Variants in AHCYL2 observed in about 807,000 individuals in gnomAD.
AHCYL2 encodes S-adenosylhomocysteine hydrolase-like protein 2.
Under a neutral mutation model 81.4 loss-of-function variants are expected in AHCYL2, and 28 were observed. The ratio of observed to expected loss-of-function variants is 0.34; its 90% confidence interval spans 0.25 to 0.47. AHCYL2 has a LOEUF of 0.47. AHCYL2 is among the 20% of genes least tolerant of loss of function. The probability of loss-of-function intolerance (pLI) is 1.00; values close to 1 mark genes in which losing one functional copy is unlikely to be tolerated. For synonymous variants in AHCYL2, 272 were observed against 290.2 expected (o/e 0.94, Z 0.64); for missense variants, 551 against 785.1 (o/e 0.70, Z 3.56).
chr7:129,320,286 T>A (rs995376324), intron 1 of AHCYL2, among the ~76,000 whole-genome samples: 2 of 152,216 alleles, frequency 1.3e-5, no homozygotes, highest in African/African-American at 4.8e-5. Context: ...AAATATTTTC[T>A]ACCAGTCTGT....
At chr7:129,254,840 G>A (rs1795357322) in intron 1 of AHCYL2, among the ~76,000 whole-genome samples, 1 of 152,190 alleles carries the variant, frequency 6.6e-6, no homozygotes, top group Non-Finnish European at 1.5e-5. Flanking sequence ...AAGAAGAAAA[G>A]CGTTCTGAGG....
At chr7:129,277,753 T>G (rs1017324302) in intron 1 of AHCYL2, among the ~76,000 whole-genome samples, 1 of 152,190 alleles carries the variant, frequency 6.6e-6, no homozygotes, top group Non-Finnish European at 1.5e-5. Context: ...TTTCGAGATT[T>G]ATTTATGTTG....
chr7:129,328,120 T>A (rs568729256), intron 1 of AHCYL2, among the ~76,000 whole-genome samples: 1 of 152,044 alleles, frequency 6.6e-6, no homozygotes, highest in Non-Finnish European at 1.5e-5. Context: ...TTAAAAGTAA[T>A]GGGAAACTAT....
intron 1 of AHCYL2, among the ~76,000 whole-genome samples, chr7:129,355,986 A>C (rs183080107): frequency 2.6e-4 from 39 of 152,324 alleles, no homozygotes; most frequent in Admixed American, 2.0e-3. Flanking sequence ...AAATGTAAAA[A>C]AGGTAAGGAT....
chr7:129,300,530 A>G (rs1403264516), intron 1 of AHCYL2, among the ~76,000 whole-genome samples: 2 of 152,216 alleles, frequency 1.3e-5, no homozygotes, highest in Non-Finnish European at 2.9e-5. Context: ...CACATTTAAA[A>G]AAATCTATTC....
intron 1 of AHCYL2, among the ~76,000 whole-genome samples, chr7:129,302,012 T>C (rs1797274108): frequency 6.6e-6 from 1 of 152,204 alleles, no homozygotes; most frequent in African/African-American, 2.4e-5. Flanking sequence ...TCCGTGGACA[T>C]GGAATGTCTT....
At chr7:129,375,736 A>G (rs1794650713) in intron 1 of AHCYL2, 2 of 1,471,178 alleles carry the variant, frequency 1.4e-6, no homozygotes, top group Non-Finnish European at 1.8e-6. Flanking sequence ...TCCAAGGAAG[A>G]GTAGTCCCCC....
intron 11 of AHCYL2, among the ~76,000 whole-genome samples, chr7:129,412,369 C>T (rs532566182): frequency 1.3e-5 from 2 of 151,596 alleles, no homozygotes; most frequent in African/African-American, 4.8e-5. Context: ...CAACTTCCAC[C>T]TCCCGTGTGC....
chr7:129,399,141 C>CAAAAA (rs71162600), intron 5 of AHCYL2, among the ~76,000 whole-genome samples: 15 of 44,952 alleles, frequency 3.3e-4, no homozygotes, highest in Admixed American at 7.4e-4. Context: ...GACTCCATCT[C>CAAAAA]AAAAAAAAAA....
intron 1 of AHCYL2, among the ~76,000 whole-genome samples, chr7:129,361,667 A>G (rs6467243): frequency 0.32 from 48,179 of 151,938 alleles, 8,223 homozygotes; most frequent in African/African-American, 0.46. Context: ...GTCTTGTTCT[A>G]TCTCCCAGAC....
intron 1 of AHCYL2, among the ~76,000 whole-genome samples, chr7:129,323,714 C>T (rs1463266450): frequency 6.6e-6 from 1 of 152,060 alleles, no homozygotes; most frequent in Non-Finnish European, 1.5e-5. Flanking sequence ...TCAGTGTTTG[C>T]TTCATGTATT....
intron 1 of AHCYL2, among the ~76,000 whole-genome samples, chr7:129,294,466 A>G (rs1382781444): frequency 1.3e-5 from 2 of 152,114 alleles, no homozygotes; most frequent in Non-Finnish European, 2.9e-5. Flanking sequence ...TGATGTATTA[A>G]CTCATTTAAT....
intron 2 of AHCYL2, among the ~76,000 whole-genome samples, chr7:129,380,802 A>G (rs1794921241): frequency 6.6e-6 from 1 of 152,144 alleles, no homozygotes; most frequent in African/African-American, 2.4e-5. Flanking sequence ...TGCAAGTGGC[A>G]TGGTCATAGC....
intron 1 of AHCYL2, among the ~76,000 whole-genome samples, chr7:129,314,452 A>G (rs1797765474): frequency 6.6e-6 from 1 of 152,198 alleles, no homozygotes; most frequent in Non-Finnish European, 1.5e-5. Flanking sequence ...GGGTGACTTA[A>G]AAACAACAGT....
intron 1 of AHCYL2, among the ~76,000 whole-genome samples, chr7:129,294,650 A>G (rs913306291): frequency 6.6e-6 from 1 of 152,166 alleles, no homozygotes; most frequent in African/African-American, 2.4e-5. Context: ...ATCCACCACA[A>G]CACTGTAGCT....
intron 1 of AHCYL2, among the ~76,000 whole-genome samples, chr7:129,366,245 C>A (rs144661300): frequency 2.0e-5 from 3 of 152,276 alleles, no homozygotes; most frequent in African/African-American, 7.2e-5. Context: ...TCCCTTGATA[C>A]GTCTGAATGC....
At chr7:129,231,031 G>C (rs1376863705) in intron 1 of AHCYL2, among the ~76,000 whole-genome samples, 1 of 152,070 alleles carries the variant, frequency 6.6e-6, no homozygotes, top group Non-Finnish European at 1.5e-5. Context: ...AAGAGATCAA[G>C]ACCATCCTGG....
intron 2 of AHCYL2, among the ~76,000 whole-genome samples, chr7:129,382,546 G>A (rs1176091541): frequency 1.3e-5 from 2 of 152,108 alleles, no homozygotes; most frequent in South Asian, 2.1e-4. Flanking sequence ...GTTGCAGTGG[G>A]CCAAGATTGT....
intron 1 of AHCYL2, among the ~76,000 whole-genome samples, chr7:129,362,598 T>C (rs1041418890): frequency 5.3e-5 from 2 of 38,052 alleles, no homozygotes; most frequent in Non-Finnish European, 1.0e-4. Context: ...GGTTTTCTTG[T>C]TTTTTTTTTT....
Sources: gnomAD v4.1 joint callset for allele counts (sites outside exome capture counted in the v4.1 genomes callset) on GRCh38, gnomAD v4.1.1 for gene constraint, MANE v1.5 for transcripts, NCBI Gene and HGNC (gene_info 2026-07-23, HGNC 2026-07-21) for gene names.